Variants in NR2C2 observed in about 807,000 individuals in gnomAD.
The protein encoded by NR2C2 is Nuclear hormone receptor TR4.
In NR2C2, 6 loss-of-function variants were observed where a neutral mutation model predicts 62.9. The ratio of observed to expected loss-of-function variants is 0.10; its 90% CI spans 0.05 to 0.19. NR2C2 has a LOEUF of 0.19. Among genes scored for constraint, NR2C2 ranks in the 10% least tolerant of loss-of-function variants. The pLI is 1.00. For synonymous variants in NR2C2, 272 were observed against 273.8 expected, an observed-to-expected ratio of 0.99 and a Z score of 0.07; for missense variants, 479 against 762.7, an observed-to-expected ratio of 0.63 and a Z score of 4.38.
chr3:14,983,218 C>T (rs1044216705), intron 1 of NR2C2, among the ~76,000 whole-genome samples: 4 of 151,914 alleles, frequency 2.6e-5, no homozygotes, highest in Admixed American at 6.6e-5. Context: ...TTGTATCTAA[C>T]TATATTTTGT....
chr3:14,982,710 A>T (rs999877212), intron 1 of NR2C2, among the ~76,000 whole-genome samples: 1 of 152,076 alleles, frequency 6.6e-6, no homozygotes, highest in Non-Finnish European at 1.5e-5. Flanking sequence ...TTTTTATGTT[A>T]TCTATGATTT....
chr3:14,996,485 T>C (rs2040835363), intron 1 of NR2C2, among the ~76,000 whole-genome samples: 1 of 152,252 alleles, frequency 6.6e-6, no homozygotes, highest in Non-Finnish European at 1.5e-5. Context: ...TTCATTAACC[T>C]TCACACCAGT....
At position 14,987,216 on chromosome 3, in the gene NR2C2, G is replaced by A. The variant is rs139406139; in HGVS notation, c.-39-16660G>A. 2.6e-5 allele frequency among the ~76,000 whole-genome samples: 4 copies of A among 152,198 alleles called. No homozygotes were observed. In the East Asian group the frequency reaches 7.7e-4, roughly 29 times the overall value. Reference sequence around the variant, plus strand: ...TCCCACCTCAGCCTCCCAAGTAGCTGGGACTGCAGGCACATGCCACCACAC... The same window carrying A: ...TCCCACCTCAGCCTCCCAAGTAGCTAGGACTGCAGGCACATGCCACCACAC... On this transcript the variant is annotated intron_variant, in intron 1 of 13. Coordinates refer to ENST00000425241, the MANE Select transcript of NR2C2 (RefSeq NM_001291694.2).
Position 15,038,217 on chromosome 3 carries a change from T to C in NR2C2, c.1510+80T>C, listed in dbSNP as rs760674843. 5 of 1,448,250 alleles carry C rather than the reference T, an allele frequency of 3.5e-6. No individual in the cohort carries two copies. The African/African-American group carries it at 7.2e-5, about 21-fold the overall frequency. 89.7% of individuals were successfully genotyped at this position (1,448,250 alleles called of 1,614,324 possible). On this transcript the variant is annotated intron_variant, in intron 12 of 13. Coordinates refer to ENST00000425241, the MANE Select transcript of NR2C2 (RefSeq NM_001291694.2). ...TCTGAACGTGAACATGTTGTCATCATTGGTGTAGAAAGAGCCCTGCAGATT... is the reference window on the plus strand; with the variant it reads ...TCTGAACGTGAACATGTTGTCATCACTGGTGTAGAAAGAGCCCTGCAGATT...
intron 2 of NR2C2, among the ~76,000 whole-genome samples, chr3:15,011,767 GGC>G (rs2041360784): frequency 6.6e-6 from 1 of 152,172 alleles, no homozygotes; most frequent in African/African-American, 2.4e-5. Context: ...TCTTGCACTT[GGC>G]TGTGCCGTGT....
At chr3:15,038,820 A>C (rs1265306776) in intron 12 of NR2C2, 1 of 268,820 alleles carries the variant, frequency 3.7e-6, no homozygotes, top group Non-Finnish European at 7.0e-6. Context: ...ATTTTATGTG[A>C]TAGTTTTTAA....
In NR2C2 at chr3:15,012,666, C is replaced by T. The variant is rs867767681; in HGVS notation, c.73-923C>T. Among the ~76,000 whole-genome samples the T allele has an allele frequency of 8.5e-5, 13 of 152,294 alleles. No homozygotes were observed. In the South Asian group the frequency reaches 1.2e-3, roughly 15 times the overall value. On this transcript the variant is annotated intron_variant, in intron 2 of 13. Transcript: ENST00000425241. ...AGCAGCAGCTCAAGAGTCTTCTTTG[C>T]AGTAAGGGTCTGCTGGTGCCTGGAG...
At chr3:15,013,239 CAA>C (rs1553567262) in intron 2 of NR2C2, among the ~76,000 whole-genome samples, 2 of 152,178 alleles carry the variant, frequency 1.3e-5, no homozygotes, top group Non-Finnish European at 2.9e-5. Context: ...AGTAGCATTT[CAA>C]AAGAGTTAGG....
chr3:15,000,703 G>A (rs1236042411), intron 1 of NR2C2, among the ~76,000 whole-genome samples: 1 of 151,752 alleles, frequency 6.6e-6, no homozygotes, highest in Non-Finnish European at 1.5e-5. Flanking sequence ...GTCAATTTAT[G>A]CAAAAAAGCA....
At chr3:14,973,838 G>A (rs979429661) in intron 1 of NR2C2, among the ~76,000 whole-genome samples, 9 of 151,902 alleles carry the variant, frequency 5.9e-5, no homozygotes, top group Admixed American at 2.0e-4. Context: ...TTTTAAGTAC[G>A]GATGTTCCTT....
intron 1 of NR2C2, among the ~76,000 whole-genome samples, chr3:14,963,346 A>G (rs1277731268): frequency 6.6e-6 from 1 of 152,254 alleles, no homozygotes; most frequent in African/African-American, 2.4e-5. Flanking sequence ...ATAAGTAATT[A>G]GCCAAAGGCA....
At position 15,035,227 on chromosome 3, in the gene NR2C2, G is replaced by T. The variant is rs923035250; in HGVS notation, c.1372+418G>T. 3.3e-5 allele frequency among the ~76,000 whole-genome samples: 5 copies of T among 152,186 alleles called. No homozygotes were observed. In the East Asian group the frequency reaches 9.6e-4, roughly 29 times the overall value. On this transcript the variant is annotated intron_variant, in intron 11 of 13. Transcript: ENST00000425241. ...AGGATTGCTTGAGCCCAGAGTTTGA[G>T]GCTGCAGTGAGCTGTGATCATTCCA...
intron 1 of NR2C2, among the ~76,000 whole-genome samples, chr3:14,960,929 G>GA (rs2039672110): frequency 6.6e-6 from 1 of 151,746 alleles, no homozygotes; most frequent in Non-Finnish European, 1.5e-5. Context: ...ACTATAGCAA[G>GA]AAAAAAAGAC....
intron 1 of NR2C2, among the ~76,000 whole-genome samples, chr3:14,950,842 G>A (rs1486280824): frequency 6.6e-6 from 1 of 151,168 alleles, no homozygotes; most frequent in Non-Finnish European, 1.5e-5. Context: ...GCTGTACATT[G>A]ATGGATACCT....
In NR2C2 at chr3:15,042,962, T is replaced by C; in HGVS notation, c.1745T>C (p.Met582Thr). 1 of 1,614,226 alleles carries C rather than the reference T, an allele frequency of 6.2e-7. No homozygotes were observed. The highest frequency in any genetic ancestry group is 1.1e-5 in the South Asian group (1 of 91,086). The change falls in exon 14 of 14, where the codon ATG (methionine) becomes ACG (threonine). Residue 582 changes from methionine to threonine, a missense_variant. Met to Thr is a moderately conservative substitution (Grantham distance 81). Around this residue, in one of 4 missense-constraint regions of NR2C2, gnomAD observed 162 missense variants for 296.8 expected, o/e 0.55. Transcript: ENST00000425241. Reference sequence around the variant, plus strand: ...AGCATAATCCCCTACATCCTCAAGATGGAGACAGCAGAGTATAATGGCCAG... The same window carrying C: ...AGCATAATCCCCTACATCCTCAAGACGGAGACAGCAGAGTATAATGGCCAG... ...IDSIIPYILK[M>T]ETAEYNGQIT...
At chr3:15,003,596 T>G (rs1280756921) in intron 1 of NR2C2, among the ~76,000 whole-genome samples, 1 of 152,220 alleles carries the variant, frequency 6.6e-6, no homozygotes, top group African/African-American at 2.4e-5. Context: ...TTTGGTAGGT[T>G]TTTACTTTAT....
chr3:15,026,220 C>A (rs1237398197), intron 7 of NR2C2: 1 of 152,116 alleles, frequency 6.6e-6, no homozygotes, highest in Non-Finnish European at 1.5e-5. Context: ...CGGTGTTTCA[C>A]CATGTTGCCC....
chr3:14,974,765 G>A (rs1319033898), intron 1 of NR2C2, among the ~76,000 whole-genome samples: 4 of 151,654 alleles, frequency 2.6e-5, no homozygotes, highest in Non-Finnish European at 5.9e-5. Context: ...CACCATGCCC[G>A]GCTAATTTTT....
chr3:14,955,275 A>G (rs903581424), intron 1 of NR2C2, among the ~76,000 whole-genome samples: 4 of 152,224 alleles, frequency 2.6e-5, no homozygotes, highest in African/African-American at 7.2e-5. Context: ...AAGAACTGCC[A>G]TGGTACTACC....
Sources: allele counts gnomAD v4.1 joint callset (sites outside exome capture counted in the v4.1 genomes callset), GRCh38; gene constraint gnomAD v4.1.1; regional missense constraint gnomAD v4.1.1; transcripts MANE v1.5; gene names NCBI Gene and HGNC (gene_info 2026-07-23, HGNC 2026-07-21).